PTPRD: variants seen among roughly 807,000 people sequenced by gnomAD.
PTPRD encodes protein tyrosine phosphatase receptor type D.
PTPRD carries 34 observed loss-of-function variants against 214.5 expected under a neutral mutation model. The observed-to-expected ratio is 0.16, with a 90% CI of 0.12 to 0.21. The LOEUF (loss-of-function observed/expected upper bound fraction) is 0.21. Among genes scored for constraint, PTPRD ranks in the 10% least tolerant of loss-of-function variants. The pLI, the probability that PTPRD is intolerant of heterozygous loss-of-function variation, is 1.00. For missense variants in PTPRD, 2,545 were observed against 2,398.7 expected (o/e 1.06, Z -1.27); for synonymous variants, 1,128 against 845.7 (o/e 1.33, Z -5.79).
At chr9:8,452,737 T>C (rs567918074) in intron 33 of PTPRD, among the ~76,000 whole-genome samples, 2 of 152,300 alleles carry the variant, frequency 1.3e-5, no homozygotes, top group African/African-American at 4.8e-5. Context: ...CTGCTAATAC[T>C]ATAAAAGCAT....
intron 2 of PTPRD, among the ~76,000 whole-genome samples, chr9:10,395,212 A>G (rs1204761108): frequency 6.6e-6 from 1 of 151,012 alleles, no homozygotes; most frequent in African/African-American, 2.4e-5. Flanking sequence ...TTAACTTGTC[A>G]TTTACATTAG....
chr9:8,799,016 G>T (rs1455948639), intron 11 of PTPRD, among the ~76,000 whole-genome samples: 2 of 151,972 alleles, frequency 1.3e-5, no homozygotes, highest in Non-Finnish European at 2.9e-5. Context: ...CAATAAAGTG[G>T]TAATGCACTG....
chr9:10,263,095 G>A (rs2093805134), intron 3 of PTPRD, among the ~76,000 whole-genome samples: 1 of 152,140 alleles, frequency 6.6e-6, no homozygotes, highest in African/African-American at 2.4e-5. Flanking sequence ...CCCCAGCCAT[G>A]TGGAACTGTG....
chr9:9,377,780 G>T (rs1415199915), intron 9 of PTPRD, among the ~76,000 whole-genome samples: 3 of 152,060 alleles, frequency 2.0e-5, no homozygotes, highest in Admixed American at 6.6e-5. Flanking sequence ...AGTAGCTACA[G>T]GAAGTGAGAG....
At chr9:8,858,537 C>G (rs1220681928) in intron 11 of PTPRD, among the ~76,000 whole-genome samples, 2 of 152,138 alleles carry the variant, frequency 1.3e-5, no homozygotes, top group Non-Finnish European at 2.9e-5. Flanking sequence ...AAAGGCTTCT[C>G]TCTTTGTTTC....
At chr9:10,212,896 G>A (rs1427945014) in intron 3 of PTPRD, among the ~76,000 whole-genome samples, 2 of 152,156 alleles carry the variant, frequency 1.3e-5, no homozygotes, top group African/African-American at 2.4e-5. Flanking sequence ...TCCGGCAGAT[G>A]TGCATGACAG....
At chr9:10,084,666 A>AT (rs60028378) in intron 3 of PTPRD, among the ~76,000 whole-genome samples, 23,984 of 151,058 alleles carry the variant, frequency 0.16, 5,703 homozygotes, top group African/African-American at 0.52. Flanking sequence ...TTTAAATAAT[A>AT]TTTTTTTTTA....
At chr9:9,470,763 G>C (rs1196397821) in intron 8 of PTPRD, among the ~76,000 whole-genome samples, 1 of 152,150 alleles carries the variant, frequency 6.6e-6, no homozygotes, top group South Asian at 2.1e-4. Flanking sequence ...TGTAACAAGA[G>C]CCTCCTTCAT....
At chr9:10,189,341 C>T (rs1016177275) in intron 3 of PTPRD, among the ~76,000 whole-genome samples, 9 of 152,094 alleles carry the variant, frequency 5.9e-5, no homozygotes, top group East Asian at 1.9e-4. Flanking sequence ...GAGTTCCATA[C>T]GCATGGGTCT....
At chr9:10,466,397 G>C (rs2098993604) in intron 2 of PTPRD, among the ~76,000 whole-genome samples, 1 of 152,030 alleles carries the variant, frequency 6.6e-6, no homozygotes, top group Non-Finnish European at 1.5e-5. Flanking sequence ...GCTGAGGCGG[G>C]AGGACCACCT....
intron 12 of PTPRD, among the ~76,000 whole-genome samples, chr9:8,683,590 C>T (rs889779639): frequency 1.3e-5 from 2 of 152,150 alleles, no homozygotes; most frequent in East Asian, 3.9e-4. Flanking sequence ...GTCCTTCTTG[C>T]CAGTCCTATG....
chr9:9,423,545 T>G (rs940780378), intron 8 of PTPRD, among the ~76,000 whole-genome samples: 1 of 152,142 alleles, frequency 6.6e-6, no homozygotes, highest in Non-Finnish European at 1.5e-5. Flanking sequence ...ATACAAAAAA[T>G]GCCGTGAGAA....
intron 5 of PTPRD, among the ~76,000 whole-genome samples, chr9:9,806,390 G>C (rs542106755): frequency 6.6e-6 from 1 of 152,244 alleles, no homozygotes; most frequent in East Asian, 1.9e-4. Flanking sequence ...CCGCCTTTCT[G>C]ATAATGTACT....
At chr9:8,576,582 G>A (rs2092388451) in intron 14 of PTPRD, among the ~76,000 whole-genome samples, 1 of 137,096 alleles carries the variant, frequency 7.3e-6, no homozygotes, top group Admixed American at 7.9e-5. Flanking sequence ...CCACATACAT[G>A]TATATAGATA....
chr9:9,055,754 C>T (rs2099695029), intron 10 of PTPRD, among the ~76,000 whole-genome samples: 1 of 150,074 alleles, frequency 6.7e-6, no homozygotes, highest in South Asian at 2.1e-4. Context: ...TATTTTATAA[C>T]TAACAATATA....
intron 7 of PTPRD, among the ~76,000 whole-genome samples, chr9:9,580,399 G>T (rs1472229201): frequency 6.6e-5 from 10 of 151,914 alleles, no homozygotes; most frequent in Non-Finnish European, 1.5e-5. Flanking sequence ...TAGCCATTCT[G>T]ATTGATGTAA....
intron 3 of PTPRD, among the ~76,000 whole-genome samples, chr9:10,152,599 G>C (rs569474130): frequency 6.5e-4 from 99 of 152,274 alleles, no homozygotes; most frequent in Non-Finnish European, 1.9e-4. Flanking sequence ...GCCGAGGTGG[G>C]CGGATCACCT....
intron 35 of PTPRD, among the ~76,000 whole-genome samples, chr9:8,415,151 C>A (rs1186429670): frequency 1.3e-5 from 2 of 152,124 alleles, no homozygotes; most frequent in African/African-American, 4.8e-5. Context: ...AGGTAGCTGA[C>A]CTTACCATGA....
chr9:9,278,965 G>T (rs936031883), intron 9 of PTPRD, among the ~76,000 whole-genome samples: 1 of 151,026 alleles, frequency 6.6e-6, no homozygotes. Context: ...TTGTTTTTGT[G>T]TCACAAAATA....
Sources: allele counts gnomAD v4.1 joint callset (sites outside exome capture counted in the v4.1 genomes callset), GRCh38; gene constraint gnomAD v4.1.1; transcripts MANE v1.5; gene names NCBI Gene and HGNC (gene_info 2026-07-23, HGNC 2026-07-21).